The following ATP2A3 variants were observed in gnomAD, a reference collection of about 807,000 sequenced individuals.
ATP2A3 encodes ATPase sarcoplasmic/endoplasmic reticulum Ca2+ transporting 3, also known as sarcoplasmic/endoplasmic reticulum calcium ATPase 3.
Under a neutral mutation model 106.8 loss-of-function variants are expected in ATP2A3, and 61 were observed. That is an observed-to-expected ratio of 0.57 (90% CI 0.46 to 0.71). The LOEUF (loss-of-function observed/expected upper bound fraction) is 0.71, where lower values mean the gene tolerates loss of function less well. ATP2A3 is among the 30% of genes least tolerant of loss of function. The pLI, the probability that ATP2A3 is intolerant of heterozygous loss-of-function variation, is 0.00. For synonymous variants in ATP2A3, 611 were observed against 609.3 expected (o/e 1.00, Z -0.04); for missense variants, 1,201 against 1,423.5 (o/e 0.84, Z 2.52).
Position 3,937,444 on chromosome 17 carries a change from T to C in ATP2A3, c.2293A>G (p.Ile765Val). 6.2e-7 allele frequency: 1 copy of C among 1,612,346 alleles called. No individual in the cohort carries two copies. The highest frequency in any genetic ancestry group is 8.5e-7 in the Non-Finnish European group (1 of 1,178,696). The stretch of plus-strand genomic sequence containing the variant: ...ACGACCTCGCCAACATTGGAGGAGA[T>C]GAGGTAGCGGATGAATTGCTTCATG... ...SNMKQFIRYL[I>V]SSNVGEVVCI... is the part of the protein sequence containing the mutation. The change falls in exon 15 of 21, where the codon ATC becomes GTC. Residue 765 changes from isoleucine (I) to valine (V), a missense_variant. Transcript: ENST00000397041.
chr17:3,937,399 G>A lies in ATP2A3; in HGVS notation c.2321+17C>T, dbSNP rs752701851. 11 of 1,605,812 alleles carry A rather than the reference G, an allele frequency of 6.9e-6. No homozygotes were observed. The South Asian group carries it at 9.9e-5, about 14-fold the overall frequency. On this transcript the variant is annotated intron_variant, in intron 15 of 20. Coordinates refer to ENST00000397041, the MANE Select transcript of ATP2A3 (RefSeq NM_005173.4). The stretch of plus-strand genomic sequence containing the variant: ...AGCGGATTGAGAGGGCTGAGAGGAG[G>A]GAAGGCCCGGCCTCACCAGACGACC...
At position 3,953,611 on chromosome 17, in the gene ATP2A3, G is replaced by T; in HGVS notation, c.136+82C>A. The stretch of plus-strand genomic sequence containing the variant: ...AGCTCAGCAAGGCCTCACTCAGCGG[G>T]GAGAAGGAAGTCATGACCAGACAGA... On this transcript the variant is annotated intron_variant, in intron 2 of 20. Coordinates refer to ENST00000397041, the MANE Select transcript of ATP2A3 (RefSeq NM_005173.4). This position sits in a 1 kb window ranked among gnomAD's most constrained non-coding sequence, Gnocchi z 5.1. 1 of 1,542,424 alleles carries T rather than the reference G, an allele frequency of 6.5e-7. No homozygotes were observed. The highest frequency in any genetic ancestry group is 1.7e-4 in the Middle Eastern group (1 of 5,968).
chr17:3,943,450 C>T lies in ATP2A3; in HGVS notation c.1360G>A (p.Val454Met), dbSNP rs2053901603. The change falls in exon 11 of 21, where the codon GTG (valine) becomes ATG (methionine). Residue 454 changes from valine to methionine, a missense_variant. Coordinates refer to ENST00000397041, the MANE Select transcript of ATP2A3 (RefSeq NM_005173.4). ...ALTCLVEKMN[V>M]FDTDLQALSR... Reference sequence around the variant, plus strand: ...AGAGCCTGCAGGTCGGTGTCGAACACGTTCATCTTCTCCACCAGGCAAGTC... The same window carrying T: ...AGAGCCTGCAGGTCGGTGTCGAACATGTTCATCTTCTCCACCAGGCAAGTC... The T allele has an allele frequency of 6.2e-7, 1 of 1,614,112 alleles. No individual in the cohort carries two copies. Among genetic ancestry groups the T allele is most frequent in the Non-Finnish European group, 8.5e-7 (1 of 1,180,002 alleles).
chr17:3,937,392 A>G, intron 15 of ATP2A3, 24 bp downstream of exon 15: 2 of 1,608,512 alleles, frequency 1.2e-6, no homozygotes, highest in African/African-American at 1.3e-5. Flanking sequence ...GAGAGGGCTG[A>G]GAGGAGGGAA....
intron 13 of ATP2A3, 47 bp from the exon 14 acceptor site, chr17:3,941,353 C>T (rs1337152515): frequency 2.5e-6 from 4 of 1,613,750 alleles, no homozygotes; most frequent in African/African-American, 1.3e-5. Context: ...CCATCCCTGA[C>T]CTACCACCTG....
At chr17:3,950,915 GC>G in intron 5 of ATP2A3, 142 bp from the exon 6 acceptor site, 2 of 875,824 alleles carry the variant, frequency 2.3e-6, no homozygotes, top group Non-Finnish European at 3.6e-6. Context: ...TGCCCCTCTG[GC>G]CCACAGTCTC....
chr17:3,958,817 T>TATAC (rs2054955194), intron 1 of ATP2A3, among the ~76,000 whole-genome samples: 1 of 79,446 alleles, frequency 1.3e-5, no homozygotes, highest in Non-Finnish European at 2.3e-5. Flanking sequence ...CATATATATA[T>TATAC]ACACACATAT....
At chr17:3,939,413 C>G (rs986668569) in intron 14 of ATP2A3, among the ~76,000 whole-genome samples, 14 of 152,048 alleles carry the variant, frequency 9.2e-5, no homozygotes, top group African/African-American at 3.4e-4. Flanking sequence ...AGAACAAAAA[C>G]TAGGCCCAAA....
chr17:3,947,557 C>A lies in ATP2A3; in HGVS notation c.929G>T (p.Gly310Val). The change falls in exon 8 of 21, where the codon GGC becomes GTC. Residue 310 changes from glycine to valine, a missense_variant. Gly to Val is a moderately radical substitution (Grantham distance 109, BLOSUM62 -3). Around this residue, in one of 2 missense-constraint regions of ATP2A3, gnomAD observed 935 missense variants for 1,176.7 expected, o/e 0.79. Transcript: ENST00000397041. The surrounding 1 kb of genome is among the most constrained non-coding windows in gnomAD (Gnocchi z 7.7). ...VALAVAAIPEGLPAVITTCLA... is the reference protein window; with the variant it reads ...VALAVAAIPEVLPAVITTCLA... ...GCATGTAGTGATGACAGCCGGGAGG[C>A]CCTCGGGGATGGCCGCCACCGCCAG... 6.2e-7 allele frequency: 1 copy of A among 1,612,988 alleles called. No homozygotes were observed. Among genetic ancestry groups the A allele is most frequent in the Non-Finnish European group, 8.5e-7 (1 of 1,179,942 alleles).
intron 1 of ATP2A3, among the ~76,000 whole-genome samples, chr17:3,959,541 T>A (rs540497111): frequency 6.6e-6 from 1 of 152,350 alleles, no homozygotes; most frequent in South Asian, 2.1e-4. Context: ...CCACACCACC[T>A]GCTCCCCTCA....
chr17:3,956,267 C>T (rs1327316080), intron 1 of ATP2A3, among the ~76,000 whole-genome samples: 1 of 152,194 alleles, frequency 6.6e-6, no homozygotes, highest in African/African-American at 2.4e-5. Flanking sequence ...GTCTTTGGTG[C>T]TCATTATGTT....
intron 1 of ATP2A3, among the ~76,000 whole-genome samples, chr17:3,960,097 G>A (rs1054108292): frequency 1.3e-5 from 2 of 152,182 alleles, no homozygotes; most frequent in African/African-American, 4.8e-5. Context: ...ATCCCGCAAG[G>A]CCCTTAGGGG....
At chr17:3,951,775 C>T (rs1597655880) in intron 3 of ATP2A3, 90 bp from the exon 4 acceptor site, 8 of 1,304,888 alleles carry the variant, frequency 6.1e-6, no homozygotes, top group African/African-American at 1.5e-5. Flanking sequence ...CTGCTTGCTT[C>T]CCTGCTTTGG....
intron 3 of ATP2A3, among the ~76,000 whole-genome samples, chr17:3,952,560 GC>G (rs1348923082): frequency 2.6e-5 from 4 of 152,080 alleles, no homozygotes; most frequent in Non-Finnish European, 5.9e-5. Context: ...GGGACAAGGT[GC>G]CCCCCAGGGG....
Position 3,944,858 on chromosome 17 carries a change from G to A in ATP2A3, c.1185-52C>T, listed in dbSNP as rs751079570. The A allele has an allele frequency of 6.1e-5, 93 of 1,531,162 alleles. 1 individual carries two copies. The highest frequency in any genetic ancestry group is 1.9e-4 in the South Asian group (16 of 85,574). 94.8% of individuals were successfully genotyped at this position (1,531,162 alleles called of 1,614,324 possible). On this transcript the variant is annotated intron_variant, in intron 9 of 20. Transcript: ENST00000397041. ...GGACCTCGGCTCCGCCCCCGAGAGG[G>A]GTCCGCCTCTTGGCCCCGCCCCTAG... is the stretch of plus-strand genomic sequence containing the variant.
chr17:3,951,563 A>T lies in ATP2A3; in HGVS notation c.324+18T>A, dbSNP rs748792239. On this transcript the variant is annotated intron_variant, in intron 4 of 20. Coordinates refer to ENST00000397041, the MANE Select transcript of ATP2A3 (RefSeq NM_005173.4). ...GGGAGACCGCCCCCCGCCCGGTCCC[A>T]CCCCCAGTGCCTCCCACCTGCCACA... 2 of 386,632 alleles carry T rather than the reference A, an allele frequency of 5.2e-6. No individual in the cohort carries two copies. Among genetic ancestry groups the T allele is most frequent in the Non-Finnish European group, 7.5e-6 (2 of 265,870 alleles). The allele number at this position is 386,632 out of a possible 1,614,324, so 24.0% of individuals were successfully genotyped here. A position where few individuals can be genotyped will look rare whatever the true frequency, so the allele number is the denominator to read the frequency against.
rs1342147873 is a variant in ATP2A3, at chr17:3,950,717, G to A, written c.520C>T (p.Arg174Ter). Reference protein sequence around the residue: ...RLIEIKSTTLRVDQSILTGES... With the variant: ...RLIEIKSTTL Reference sequence around the variant, plus strand: ...CCCGTCAGGATGGACTGGTCCACTCGCAGCGTGGTGGACTTGATCTCGATG... The same window carrying A: ...CCCGTCAGGATGGACTGGTCCACTCACAGCGTGGTGGACTTGATCTCGATG... The change falls in exon 6 of 21, where the codon CGA (arginine) becomes TGA (stop). Residue 174 changes from arginine (R) to a stop codon, truncating the protein, a stop_gained. Transcript: ENST00000397041. LOFTEE classifies it high-confidence loss of function. 1.2e-6 allele frequency: 2 copies of A among 1,613,940 alleles called. No homozygotes were observed. The highest frequency in any genetic ancestry group is 1.7e-6 in the Non-Finnish European group (2 of 1,179,992).
At chr17:3,933,674 T>C (rs1260093774) in intron 17 of ATP2A3, among the ~76,000 whole-genome samples, 1 of 151,014 alleles carries the variant, frequency 6.6e-6, no homozygotes, top group African/African-American at 2.5e-5. Context: ...AGGTGGAGGT[T>C]GCAGTGAGCC....
intron 7 of ATP2A3, among the ~76,000 whole-genome samples, chr17:3,948,728 C>T (rs1409928564): frequency 6.6e-6 from 1 of 152,066 alleles, no homozygotes; most frequent in African/African-American, 2.4e-5. Flanking sequence ...CCCTCCAAAG[C>T]TTCTTAGTGA....
Sources: allele counts gnomAD v4.1 joint callset (sites outside exome capture counted in the v4.1 genomes callset), GRCh38; gene constraint gnomAD v4.1.1; regional missense constraint gnomAD v4.1.1; non-coding constraint Gnocchi (gnomAD v3.1); transcripts MANE v1.5; gene names NCBI Gene and HGNC (gene_info 2026-07-23, HGNC 2026-07-21).